Variants in NAALADL2 observed in about 807,000 individuals in gnomAD.
NAALADL2 encodes the protein inactive N-acetylated-alpha-linked acidic dipeptidase-like protein 2.
A neutral mutation model predicts 87.2 loss-of-function variants in NAALADL2; 76 were observed. The ratio of observed to expected loss-of-function variants is 0.87; its 90% CI spans 0.72 to 1.05. The LOEUF (loss-of-function observed/expected upper bound fraction) is 1.05, where lower values mean the gene tolerates loss of function less well. Ranked by LOEUF, NAALADL2 falls within the 50% of genes least tolerant of loss-of-function variation. The pLI is 0.00. For missense variants in NAALADL2, 1,089 were observed against 945.8 expected (o/e 1.15, Z -1.99); for synonymous variants, 354 against 331.0 (o/e 1.07, Z -0.75).
chr3:175,551,485 A>G (rs1714349611), intron 9 of NAALADL2, among the ~76,000 whole-genome samples: 1 of 152,172 alleles, frequency 6.6e-6, no homozygotes, highest in African/African-American at 2.4e-5. Context: ...CAGTTCATAC[A>G]TAGTTGTTAA....
At chr3:175,747,997 G>T (rs1480168694) in intron 12 of NAALADL2, among the ~76,000 whole-genome samples, 2 of 151,746 alleles carry the variant, frequency 1.3e-5, no homozygotes, top group Non-Finnish European at 2.9e-5. Context: ...TTAGAATTTA[G>T]AAATCTGTTG....
chr3:174,992,355 C>T (rs1427451498), intron 1 of NAALADL2, among the ~76,000 whole-genome samples: 1 of 152,038 alleles, frequency 6.6e-6, no homozygotes, highest in Non-Finnish European at 1.5e-5. Flanking sequence ...CTTGAGTTTA[C>T]TAACAATGAA....
intron 2 of NAALADL2, among the ~76,000 whole-genome samples, chr3:174,667,844 A>C (rs192829344): frequency 6.6e-6 from 1 of 152,100 alleles, no homozygotes; most frequent in Non-Finnish European, 1.5e-5. Flanking sequence ...AGAAAATAAC[A>C]ATGTTTTCTT....
At chr3:175,663,784 T>C (rs982434073) in intron 11 of NAALADL2, among the ~76,000 whole-genome samples, 2 of 151,968 alleles carry the variant, frequency 1.3e-5, no homozygotes, top group Admixed American at 1.3e-4. Flanking sequence ...TTGTATTTAC[T>C]AAGATAAATT....
At chr3:174,860,837 G>T (rs952678385) in intron 1 of NAALADL2, among the ~76,000 whole-genome samples, 2 of 151,584 alleles carry the variant, frequency 1.3e-5, no homozygotes, top group African/African-American at 4.8e-5. Flanking sequence ...CTTTTTCTCT[G>T]GTGCTTTTTA....
At chr3:175,505,485 A>G (rs1407074474) in intron 9 of NAALADL2, among the ~76,000 whole-genome samples, 2 of 152,190 alleles carry the variant, frequency 1.3e-5, no homozygotes, top group Non-Finnish European at 2.9e-5. Flanking sequence ...GCAAAAGATA[A>G]AAAGAATAGA....
chr3:175,359,273 C>G (rs1764714907), intron 5 of NAALADL2, among the ~76,000 whole-genome samples: 1 of 152,010 alleles, frequency 6.6e-6, no homozygotes, highest in South Asian at 2.1e-4. Flanking sequence ...TCCCAGAAAA[C>G]TAATCACCTT....
chr3:174,889,951 G>A (rs895527280), intron 1 of NAALADL2, among the ~76,000 whole-genome samples: 8 of 152,164 alleles, frequency 5.3e-5, no homozygotes, highest in African/African-American at 1.7e-4. Flanking sequence ...ATGTGAGTGT[G>A]TGAATTTTTC....
chr3:174,680,872 A>C (rs980651232), intron 2 of NAALADL2, among the ~76,000 whole-genome samples: 1 of 152,174 alleles, frequency 6.6e-6, no homozygotes, highest in Non-Finnish European at 1.5e-5. Context: ...AAGAACTAAA[A>C]ATCAGGTGAG....
chr3:175,259,245 C>T (rs903460220), intron 4 of NAALADL2, among the ~76,000 whole-genome samples: 3 of 152,108 alleles, frequency 2.0e-5, no homozygotes, highest in African/African-American at 7.2e-5. Context: ...ATAGTTAATA[C>T]ATTGGGAAGG....
chr3:174,982,976 T>C (rs1289611756), intron 1 of NAALADL2, among the ~76,000 whole-genome samples: 1 of 152,130 alleles, frequency 6.6e-6, no homozygotes, highest in African/African-American at 2.4e-5. Context: ...TTTTTTGTAT[T>C]TTTAGTAGAG....
intron 5 of NAALADL2, among the ~76,000 whole-genome samples, chr3:175,428,103 G>A (rs1265658886): frequency 1.3e-5 from 2 of 151,936 alleles, no homozygotes; most frequent in African/African-American, 4.8e-5. Flanking sequence ...CCCAGATTTA[G>A]ATATTGATCA....
chr3:174,656,979 C>T (rs1560122086), intron 2 of NAALADL2, among the ~76,000 whole-genome samples: 2 of 151,578 alleles, frequency 1.3e-5, no homozygotes, highest in African/African-American at 4.8e-5. Context: ...TAAGGGCTTC[C>T]CTTCTCCCTC....
intron 1 of NAALADL2, among the ~76,000 whole-genome samples, chr3:175,069,609 C>T (rs1455336936): frequency 6.6e-5 from 10 of 150,914 alleles, no homozygotes; most frequent in Admixed American, 3.3e-4. Flanking sequence ...TGTGGCGATT[C>T]CTCAGGGATC....
intron 1 of NAALADL2, among the ~76,000 whole-genome samples, chr3:174,529,535 G>C (rs558137237): frequency 6.6e-6 from 1 of 152,178 alleles, no homozygotes; most frequent in Non-Finnish European, 1.5e-5. Flanking sequence ...GGTTCTGACC[G>C]CACGTTTCCC....
intron 11 of NAALADL2, among the ~76,000 whole-genome samples, chr3:175,727,683 A>G (rs551214673): frequency 5.9e-5 from 9 of 152,268 alleles, no homozygotes; most frequent in African/African-American, 2.2e-4. Flanking sequence ...ATCTTGAACC[A>G]TTTCATTCCT....
At chr3:174,686,366 G>A (rs763417028) in intron 2 of NAALADL2, among the ~76,000 whole-genome samples, 29 of 152,104 alleles carry the variant, frequency 1.9e-4, no homozygotes, top group Admixed American at 3.9e-4. Context: ...AAGAGGTGAA[G>A]CATCTGTTAT....
intron 1 of NAALADL2, among the ~76,000 whole-genome samples, chr3:174,493,325 A>G (rs988261431): frequency 2.0e-5 from 3 of 152,206 alleles, no homozygotes; most frequent in Non-Finnish European, 4.4e-5. Context: ...TTGCATATAG[A>G]CACAGACATA....
chr3:175,566,056 C>T (rs4355290), intron 9 of NAALADL2, among the ~76,000 whole-genome samples: 115,051 of 151,838 alleles, frequency 0.76, 43,846 homozygotes, highest in East Asian at 0.88. Context: ...TCTTGAACCC[C>T]TGACCTCAGG....
Sources: gnomAD v4.1 joint callset for allele counts (sites outside exome capture counted in the v4.1 genomes callset) on GRCh38, gnomAD v4.1.1 for gene constraint, MANE v1.5 for transcripts, NCBI Gene and HGNC (gene_info 2026-07-23, HGNC 2026-07-21) for gene names.